The following ADAM12 variants were observed in gnomAD, a reference collection of about 807,000 sequenced individuals.
ADAM12 encodes ADAM metallopeptidase domain 12.
A neutral mutation model predicts 106.4 loss-of-function variants in ADAM12; 70 were observed. That is an observed-to-expected ratio of 0.66 (90% CI 0.54 to 0.80). The LOEUF (loss-of-function observed/expected upper bound fraction) is 0.80, where lower values mean the gene tolerates loss of function less well. Ranked by LOEUF, ADAM12 falls within the 30% of genes least tolerant of loss-of-function variation. ADAM12 has a pLI of 0.00. For synonymous variants in ADAM12, 420 were observed against 433.5 expected (o/e 0.97, Z 0.39); for missense variants, 1,010 against 1,171.9 (o/e 0.86, Z 2.02).
At chr10:126,027,401 A>T (rs952386280) in intron 21 of ADAM12, among the ~76,000 whole-genome samples, 1 of 148,276 alleles carries the variant, frequency 6.7e-6, no homozygotes, top group South Asian at 2.1e-4. Flanking sequence ...CCTGGTACCA[A>T]CACCTGGGAG....
rs561754808 is a variant in ADAM12, at chr10:126,290,613, CTTA to C, written c.187-11628_187-11626del. Among the ~76,000 whole-genome samples the C allele has an allele frequency of 2.2e-3, 329 of 152,338 alleles. 1 individual carries two copies. Among genetic ancestry groups the C allele is most frequent in the African/African-American group, 7.3e-3 (303 of 41,576 alleles). On this transcript the variant is annotated intron_variant, in intron 2 of 22. Coordinates refer to ENST00000448723, the MANE Select transcript of ADAM12 (RefSeq NM_001288973.2). ...ATGACAGTGACAAGATACCGTTTCA[CTTA>C]TTATCGATTGCTAATTTCCCAAATT... is the stretch of plus-strand genomic sequence containing the variant.
intron 3 of ADAM12, among the ~76,000 whole-genome samples, chr10:126,264,608 C>T (rs935761054): frequency 5.3e-5 from 8 of 152,168 alleles, no homozygotes; most frequent in African/African-American, 1.4e-4. Flanking sequence ...TTGTTTTTCT[C>T]GCGGGTCCCT....
intron 18 of ADAM12, chr10:126,042,381 G>A (rs1954196879): frequency 1.7e-5 from 18 of 1,064,862 alleles, no homozygotes; most frequent in Non-Finnish European, 2.4e-5. Context: ...GCTACTAAGA[G>A]CTTCTTGGGG....
At position 126,039,353 on chromosome 10, in the gene ADAM12, T is replaced by A. The variant is rs1490585925; in HGVS notation, c.2181A>T (p.Lys727Asn). 1.9e-6 allele frequency: 3 copies of A among 1,614,118 alleles called. No individual in the cohort carries two copies. Among genetic ancestry groups the A allele is most frequent in the Non-Finnish European group, 2.5e-6 (3 of 1,180,018 alleles). The part of the protein sequence containing the change: ...LLAAGFVVYL[K>N]RKTLIRLLFT... ...ACAGCAGTCGTATCAAGGTCTTCCT[T>A]TTGAGATAAACCACAAATCCGGCAG... is the stretch of plus-strand genomic sequence containing the variant. The change falls in exon 19 of 23, where the codon AAA (lysine) becomes AAT (asparagine). Residue 727 changes from lysine (K) to asparagine (N), a missense_variant. Physicochemically the swap from Lys to Asn is moderately conservative, Grantham distance 94. This residue lies in a region of ADAM12 where 615 missense variants were observed against 708.5 expected (regional missense o/e 0.87). Coordinates refer to ENST00000448723, the MANE Select transcript of ADAM12 (RefSeq NM_001288973.2).
chr10:126,023,855 C>T (rs1163701480), intron 21 of ADAM12, among the ~76,000 whole-genome samples: 1 of 150,428 alleles, frequency 6.6e-6, no homozygotes, highest in Non-Finnish European at 1.5e-5. Context: ...TATGGAAGAA[C>T]ACACCTGCAT....
intron 3 of ADAM12, among the ~76,000 whole-genome samples, chr10:126,198,128 C>T (rs1413733940): frequency 6.6e-6 from 1 of 152,246 alleles, no homozygotes; most frequent in African/African-American, 2.4e-5. Context: ...CACTACGGGC[C>T]TTGCTCTCCT....
intron 3 of ADAM12, among the ~76,000 whole-genome samples, chr10:126,191,268 CT>C (rs1387602500): frequency 6.6e-6 from 1 of 152,042 alleles, no homozygotes; most frequent in Non-Finnish European, 1.5e-5. Flanking sequence ...TCTCAAAGTG[CT>C]GGGATTGAGT....
At chr10:126,030,173 G>T (rs1397193193) in intron 21 of ADAM12, among the ~76,000 whole-genome samples, 2 of 152,210 alleles carry the variant, frequency 1.3e-5, no homozygotes, top group Non-Finnish European at 2.9e-5. Context: ...CAAAGTAGAA[G>T]AAAGTACATA....
chr10:126,281,707 C>T (rs1425379800), intron 2 of ADAM12, among the ~76,000 whole-genome samples: 5 of 152,198 alleles, frequency 3.3e-5, no homozygotes, highest in African/African-American at 9.6e-5. Context: ...GAAGTAGTAC[C>T]GGTAAAATAC....
At chr10:126,319,130 C>T (rs1252281400) in intron 2 of ADAM12, among the ~76,000 whole-genome samples, 7 of 152,114 alleles carry the variant, frequency 4.6e-5, no homozygotes, top group African/African-American at 1.7e-4. Flanking sequence ...ACATTAATGT[C>T]GTTAAATGAT....
intron 3 of ADAM12, among the ~76,000 whole-genome samples, chr10:126,215,213 G>A (rs558855535): frequency 1.3e-5 from 2 of 152,298 alleles, no homozygotes; most frequent in South Asian, 4.1e-4. Context: ...CTGGCTGTAC[G>A]GCCTGGATGG....
chr10:126,119,193 G>A (rs1272294477), intron 5 of ADAM12, among the ~76,000 whole-genome samples: 1 of 152,180 alleles, frequency 6.6e-6, no homozygotes, highest in African/African-American at 2.4e-5. Flanking sequence ...GAACACTACA[G>A]GGAGAAGTGC....
At chr10:126,181,260 T>C (rs1308233598) in intron 3 of ADAM12, among the ~76,000 whole-genome samples, 4 of 152,140 alleles carry the variant, frequency 2.6e-5, no homozygotes, top group South Asian at 4.1e-4. Context: ...TTAGTAGAGA[T>C]GGGGTTTCAC....
At chr10:126,357,121 C>T (rs1855566435) in intron 1 of ADAM12, among the ~76,000 whole-genome samples, 1 of 152,138 alleles carries the variant, frequency 6.6e-6, no homozygotes, top group South Asian at 2.1e-4. Context: ...CAGAAGTTTC[C>T]AATCAAATTC....
At chr10:126,220,858 T>A (rs1369588573) in intron 3 of ADAM12, among the ~76,000 whole-genome samples, 3 of 152,244 alleles carry the variant, frequency 2.0e-5, no homozygotes, top group East Asian at 3.9e-4. Context: ...AGGTCCTTTC[T>A]CTGGGGCACC....
chr10:126,031,576 A>G (rs1953972097), intron 21 of ADAM12, among the ~76,000 whole-genome samples: 1 of 152,216 alleles, frequency 6.6e-6, no homozygotes. Flanking sequence ...CTCATCATTC[A>G]TCACCTTTTA....
In ADAM12 at chr10:126,044,000, G is replaced by A. The variant is rs868523444; in HGVS notation, c.1996-852C>T. ...AGCCCCTGCCCACCTGGTTACCAAG[G>A]GCTACTGATGGCGGCCACTCCCAAG... On this transcript the variant is annotated intron_variant, in intron 17 of 22. Transcript: ENST00000448723. The surrounding 1 kb of genome is among the most constrained non-coding windows in gnomAD (Gnocchi z 4.1). 5.9e-5 allele frequency among the ~76,000 whole-genome samples: 9 copies of A among 152,270 alleles called. No homozygotes were observed. Among genetic ancestry groups the A allele is most frequent in the Admixed American group, 1.3e-4 (2 of 15,300 alleles).
chr10:126,124,902 AAAAAAAAAAG>A (rs1394860517), intron 5 of ADAM12, among the ~76,000 whole-genome samples: 1 of 150,498 alleles, frequency 6.6e-6, no homozygotes, highest in African/African-American at 2.4e-5. Flanking sequence ...TCTCAAAAAA[AAAAAAAAAAG>A]AAAAAGAAAA....
intron 13 of ADAM12, 113 bp from the exon 14 acceptor site, chr10:126,065,114 G>T: frequency 9.2e-7 from 1 of 1,092,370 alleles, no homozygotes; most frequent in Non-Finnish European, 1.3e-6. Context: ...TAAGGGGTGA[G>T]GATTTCAAAG....
Sources: gnomAD v4.1 joint callset for allele counts (sites outside exome capture counted in the v4.1 genomes callset) on GRCh38, gnomAD v4.1.1 for gene constraint, gnomAD v4.1.1 regional missense constraint, Gnocchi (gnomAD v3.1) non-coding constraint, MANE v1.5 for transcripts, NCBI Gene and HGNC (gene_info 2026-07-23, HGNC 2026-07-21) for gene names.